AIM2: variants seen among roughly 807,000 people sequenced by gnomAD.
The protein encoded by AIM2 is interferon-inducible protein AIM2.
AIM2 carries 30 observed loss-of-function variants against 27.7 expected under a neutral mutation model. That is an observed-to-expected ratio of 1.08 (90% CI 0.81 to 1.47). The LOEUF (loss-of-function observed/expected upper bound fraction) is 1.47, where lower values mean the gene tolerates loss of function less well. Ranked by LOEUF, AIM2 falls within the 40% of genes most tolerant of loss-of-function variation. The pLI is 0.00. For synonymous variants in AIM2, 141 were observed against 145.3 expected, an observed-to-expected ratio of 0.97 and a Z score of 0.21; for missense variants, 358 against 411.3, an observed-to-expected ratio of 0.87 and a Z score of 1.12.
intron 1 of AIM2, among the ~76,000 whole-genome samples, chr1:159,131,310 T>C (rs1418063152): frequency 6.6e-6 from 1 of 152,250 alleles, no homozygotes; most frequent in East Asian, 1.9e-4. Context: ...ACTGTGTTTC[T>C]CTAAATTCTG....
chr1:159,058,576 T>G (rs999847702), downstream of AIM2, among the ~76,000 whole-genome samples: 56 of 151,976 alleles, frequency 3.7e-4, no homozygotes, highest in African/African-American at 1.3e-3. Context: ...TCCCAACCCC[T>G]GGAAGCGACA....
intron 1 of AIM2, chr1:159,140,325 A>T (rs1483112840): frequency 6.6e-6 from 1 of 152,252 alleles, no homozygotes; most frequent in East Asian, 1.9e-4. Context: ...ATACTACTTC[A>T]AGAGAATTTC....
intron 1 of AIM2, among the ~76,000 whole-genome samples, chr1:159,134,696 G>C (rs1178793759): frequency 6.6e-6 from 1 of 152,214 alleles, no homozygotes; most frequent in Non-Finnish European, 1.5e-5. Context: ...GCTGGGCATG[G>C]TGGCAGATGC....
chr1:159,093,803 T>C (rs914824893), intron 1 of AIM2, among the ~76,000 whole-genome samples: 18 of 151,754 alleles, frequency 1.2e-4, no homozygotes, highest in African/African-American at 4.4e-4. Flanking sequence ...TGGCACAATC[T>C]CGGCTCACTG....
Position 159,075,414 on chromosome 1 carries a change from T to A in AIM2, c.-21+1219A>T, listed in dbSNP as rs913337844. Among the ~76,000 whole-genome samples the A allele has an allele frequency of 7.3e-5, 11 of 150,314 alleles. No homozygotes were observed. The East Asian group carries it at 2.0e-3, about 27-fold the overall frequency. On this transcript the variant is annotated intron_variant, in intron 1 of 5. Coordinates refer to ENST00000368130, the MANE Select transcript of AIM2 (RefSeq NM_004833.3). ...AAAAGGACAAGCCAGAAAAAAAAAA[T>A]TTGTCAAATGTGATTGCATGCATAT...
At chr1:159,116,159 C>T (rs1445341921) in intron 1 of AIM2, among the ~76,000 whole-genome samples, 8 of 150,928 alleles carry the variant, frequency 5.3e-5, no homozygotes, top group African/African-American at 1.9e-4. Context: ...GTTAGAATGG[C>T]AATCACTAAA....
At chr1:159,138,810 T>A (rs1434469238) in intron 1 of AIM2, among the ~76,000 whole-genome samples, 1 of 152,188 alleles carries the variant, frequency 6.6e-6, no homozygotes, top group Non-Finnish European at 1.5e-5. Context: ...GCACTGAGAA[T>A]ACAATAATAA....
rs1194923781 is a variant in AIM2, at chr1:159,111,850, C to CTATCTATG, written c.-16+28580_-16+28581insCATAGATA. ...ATCTATCATCTATCTATCTATCTATCTATCTATCTATCTATCTATCTATCT... is the reference window on the plus strand; with the variant it reads ...ATCTATCATCTATCTATCTATCTATCTATCTATGTATCTATCTATCTATCTATCTATCT... On this transcript the variant is annotated intron_variant, in intron 1 of 2. Transcript: ENST00000368129. Among the ~76,000 whole-genome samples the CTATCTATG allele has an allele frequency of 7.1e-4, 106 of 148,874 alleles. 1 individual carries two copies. The highest frequency in any genetic ancestry group is 2.5e-3 in the African/African-American group (99 of 39,772).
At chr1:159,140,066 A>T (rs1375688170) in intron 1 of AIM2, among the ~76,000 whole-genome samples, 1 of 151,906 alleles carries the variant, frequency 6.6e-6, no homozygotes, top group African/African-American at 2.4e-5. Context: ...CACCACTACC[A>T]CACACTAATG....
chr1:159,075,094 G>T (rs1431805205), intron 1 of AIM2, among the ~76,000 whole-genome samples: 1 of 152,098 alleles, frequency 6.6e-6, no homozygotes, highest in Non-Finnish European at 1.5e-5. Flanking sequence ...TATGGCAGTG[G>T]CGTAGAAAAA....
chr1:159,089,398 C>G (rs1656997048), intron 1 of AIM2, among the ~76,000 whole-genome samples: 1 of 152,118 alleles, frequency 6.6e-6, no homozygotes, highest in Non-Finnish European at 1.5e-5. Context: ...CTCCTGGTGG[C>G]AAGATGAAGA....
At chr1:159,119,583 T>G (rs1647476039) in intron 1 of AIM2, among the ~76,000 whole-genome samples, 1 of 152,174 alleles carries the variant, frequency 6.6e-6, no homozygotes, top group Non-Finnish European at 1.5e-5. Flanking sequence ...AAAATCACTG[T>G]AAATATTCCC....
At chr1:159,095,696 A>G (rs1310484374) in intron 1 of AIM2, among the ~76,000 whole-genome samples, 1 of 152,248 alleles carries the variant, frequency 6.6e-6, no homozygotes, top group Non-Finnish European at 1.5e-5. Context: ...CTCTTAAAAT[A>G]TTATAAAGGA....
Position 159,116,691 on chromosome 1 carries a change from G to A in AIM2, c.-16+23740C>T, listed in dbSNP as rs151300117. On this transcript the variant is annotated intron_variant, in intron 1 of 2. Coordinates refer to the AIM2 transcript ENST00000368129. ...CACAACAGGGCCTGTTGTGGGGTAG[G>A]GGGAGGGAGGAGGAATAGCATTTGG... is the stretch of plus-strand genomic sequence containing the variant. Among the ~76,000 whole-genome samples, 204 of 152,202 alleles carry A rather than the reference G, an allele frequency of 1.3e-3. 1 individual carries two copies. In the Middle Eastern group the frequency reaches 0.014, roughly 10 times the overall value.
intron 1 of AIM2, among the ~76,000 whole-genome samples, chr1:159,100,942 C>G (rs1353235624): frequency 6.6e-6 from 1 of 152,232 alleles, no homozygotes; most frequent in Non-Finnish European, 1.5e-5. Flanking sequence ...GCTTCCAGAT[C>G]TACTGTCCCC....
chr1:159,127,066 T>C (rs1016329871), intron 1 of AIM2, among the ~76,000 whole-genome samples: 1 of 152,140 alleles, frequency 6.6e-6, no homozygotes, highest in African/African-American at 2.4e-5. Context: ...TAGCTATATG[T>C]GAAATAAAAC....
upstream of AIM2, chr1:159,081,593 C>A: frequency 4.7e-6 from 2 of 428,860 alleles, no homozygotes; most frequent in South Asian, 3.6e-5. Flanking sequence ...TGTCACCATT[C>A]GTCTTTCTTC....
At chr1:159,085,224 C>T (rs1214800088) in intron 1 of AIM2, among the ~76,000 whole-genome samples, 1 of 152,092 alleles carries the variant, frequency 6.6e-6, no homozygotes, top group Non-Finnish European at 1.5e-5. Context: ...CCTAGGTCAC[C>T]TGTGTCCATC....
At chr1:159,146,367 T>C (rs895898669) in intron 1 of AIM2, among the ~76,000 whole-genome samples, 19 of 152,256 alleles carry the variant, frequency 1.2e-4, no homozygotes, top group African/African-American at 4.1e-4. Flanking sequence ...TCCTGCTGTT[T>C]CTAACCCCAA....
Sources: allele counts gnomAD v4.1 joint callset (sites outside exome capture counted in the v4.1 genomes callset), GRCh38; gene constraint gnomAD v4.1.1; transcripts MANE v1.5; gene names NCBI Gene and HGNC (gene_info 2026-07-23, HGNC 2026-07-21).